Variants in HSD17B12 observed in about 807,000 individuals in gnomAD.
The protein encoded by HSD17B12 is hydroxysteroid 17-beta dehydrogenase 12.
In HSD17B12, 32 loss-of-function variants were observed where a neutral mutation model predicts 39.3. The observed-to-expected ratio is 0.81, with a 90% CI of 0.61 to 1.09. HSD17B12 has a LOEUF of 1.09. Ranked by LOEUF, HSD17B12 falls within the 50% of genes least tolerant of loss-of-function variation. The pLI, the probability that HSD17B12 is intolerant of heterozygous loss-of-function variation, is 0.00. For synonymous variants in HSD17B12, 150 were observed against 146.7 expected, an observed-to-expected ratio of 1.02 and a Z score of -0.16; for missense variants, 342 against 382.9, an observed-to-expected ratio of 0.89 and a Z score of 0.89.
intron 9 of HSD17B12, chr11:43,852,935 T>G (rs1407321234): frequency 6.6e-6 from 1 of 152,186 alleles, no homozygotes; most frequent in Non-Finnish European, 1.5e-5. Flanking sequence ...TCTGGGGTTC[T>G]TGGTTCTAAT....
At chr11:43,694,483 T>C (rs1949891534) in intron 1 of HSD17B12, among the ~76,000 whole-genome samples, 1 of 151,996 alleles carries the variant, frequency 6.6e-6, no homozygotes, top group African/African-American at 2.4e-5. Flanking sequence ...GGAGGATTGC[T>C]TGAGCCCAGG....
intron 1 of HSD17B12, chr11:43,718,874 A>G: frequency 2.3e-6 from 2 of 883,092 alleles, no homozygotes; most frequent in Admixed American, 1.7e-5. Context: ...AAGCACCCTC[A>G]GGAGAAACAA....
At chr11:43,662,411 G>GTGTT in the HSD17B12 span, among the ~76,000 whole-genome samples, 1 of 148,222 alleles carries the variant, frequency 6.7e-6, no homozygotes, top group Admixed American at 6.8e-5. Context: ...GTGTGTGTGT[G>GTGTT]TGTGTGTATT....
At chr11:43,614,167 A>G in the HSD17B12 span, among the ~76,000 whole-genome samples, 1 of 152,130 alleles carries the variant, frequency 6.6e-6, no homozygotes, top group Non-Finnish European at 1.5e-5. Context: ...TTCCTTGAGC[A>G]TTTCTTATAA....
intron 4 of HSD17B12, among the ~76,000 whole-genome samples, chr11:43,810,091 G>T (rs1951055826): frequency 6.6e-6 from 1 of 151,892 alleles, no homozygotes; most frequent in African/African-American, 2.4e-5. Context: ...TGATCTGTAG[G>T]GGGTTACCCG....
At chr11:43,813,423 T>C (rs1951091381) in intron 4 of HSD17B12, among the ~76,000 whole-genome samples, 1 of 152,090 alleles carries the variant, frequency 6.6e-6, no homozygotes, top group Non-Finnish European at 1.5e-5. Context: ...ATATGAAGAG[T>C]GAAGGGAGAT....
chr11:43,807,018 T>TCACTGTTA (rs1260540349), intron 4 of HSD17B12, among the ~76,000 whole-genome samples: 1 of 152,044 alleles, frequency 6.6e-6, no homozygotes, highest in African/African-American at 2.4e-5. Context: ...GACACTGTTA[T>TCACTGTTA]CAGGAAATTC....
intron 1 of HSD17B12, among the ~76,000 whole-genome samples, chr11:43,693,216 G>T (rs1438093355): frequency 6.6e-6 from 1 of 152,220 alleles, no homozygotes; most frequent in Non-Finnish European, 1.5e-5. Context: ...TAAAAGCAAC[G>T]ATAGGAGCGA....
chr11:43,733,904 T>A, intron 1 of HSD17B12: 1 of 686,666 alleles, frequency 1.5e-6, no homozygotes, highest in Non-Finnish European at 2.7e-6. Context: ...CAGGACATTG[T>A]AGTAGGGGAA....
chr11:43,667,211 G>A, the HSD17B12 span, among the ~76,000 whole-genome samples: 1 of 152,118 alleles, frequency 6.6e-6, no homozygotes, highest in African/African-American at 2.4e-5. Context: ...GAGTGTAGTG[G>A]TGCAATCTTG....
chr11:43,763,040 A>G (rs754188888), intron 3 of HSD17B12, among the ~76,000 whole-genome samples: 17 of 152,206 alleles, frequency 1.1e-4, no homozygotes, highest in Non-Finnish European at 1.5e-5. Flanking sequence ...TATGCTATGT[A>G]TCTAGTTACA....
intron 1 of HSD17B12, among the ~76,000 whole-genome samples, chr11:43,726,760 C>A (rs1025948212): frequency 3.9e-5 from 6 of 152,116 alleles, no homozygotes; most frequent in African/African-American, 1.4e-4. Context: ...ATATGTGCTG[C>A]CTGTTAAAAT....
chr11:43,568,267 T>C, the HSD17B12 span, among the ~76,000 whole-genome samples: 2 of 152,024 alleles, frequency 1.3e-5, no homozygotes, highest in African/African-American at 4.8e-5. Context: ...ACCTCGTTAA[T>C]TTTTTCTGTA....
chr11:43,689,842 C>G (rs1949836149), intron 1 of HSD17B12, among the ~76,000 whole-genome samples: 2 of 152,160 alleles, frequency 1.3e-5, no homozygotes, highest in Non-Finnish European at 2.9e-5. Context: ...AGCCACCGCA[C>G]CCGGCCTGAA....
At chr11:43,854,647 T>C (rs1951563836) in intron 9 of HSD17B12, 68 bp from the exon 10 acceptor site, 1 of 1,535,026 alleles carries the variant, frequency 6.5e-7, no homozygotes, top group Non-Finnish European at 9.0e-7. Context: ...CAAGCACCAC[T>C]GTACATTCTG....
chr11:43,849,181 T>C (rs1049625268), intron 9 of HSD17B12, among the ~76,000 whole-genome samples: 1 of 152,160 alleles, frequency 6.6e-6, no homozygotes, highest in Non-Finnish European at 1.5e-5. Flanking sequence ...GGTGTGCACC[T>C]GTGGTCCTTG....
the HSD17B12 span, among the ~76,000 whole-genome samples, chr11:43,634,446 T>G: frequency 6.6e-6 from 1 of 152,168 alleles, no homozygotes; most frequent in Admixed American, 6.6e-5. Context: ...AGAATGCATT[T>G]TTTTTCCTCT....
the HSD17B12 span, among the ~76,000 whole-genome samples, chr11:43,599,994 C>T: frequency 2.6e-5 from 4 of 152,072 alleles, no homozygotes; most frequent in Non-Finnish European, 4.4e-5. Flanking sequence ...ATCCTTTACC[C>T]TGGGTTATTC....
At chr11:43,582,607 C>A in the HSD17B12 span, among the ~76,000 whole-genome samples, 1 of 152,162 alleles carries the variant, frequency 6.6e-6, no homozygotes, top group South Asian at 2.1e-4. Flanking sequence ...CGAACCTTCA[C>A]GTTTTCGGGG....
Sources: gnomAD v4.1 joint callset for allele counts (sites outside exome capture counted in the v4.1 genomes callset) on GRCh38, gnomAD v4.1.1 for gene constraint, MANE v1.5 for transcripts, NCBI Gene and HGNC (gene_info 2026-07-23, HGNC 2026-07-21) for gene names.